The following PIK3R4 variants were observed in gnomAD, a reference collection of about 807,000 sequenced individuals.
PIK3R4 encodes the protein phosphoinositide-3-kinase regulatory subunit 4, also known as phosphoinositide 3-kinase regulatory subunit 4.
In PIK3R4, 46 loss-of-function variants were observed where a neutral mutation model predicts 136.5. The observed-to-expected ratio is 0.34, with a 90% confidence interval of 0.27 to 0.43. The LOEUF (loss-of-function observed/expected upper bound fraction) is 0.43. Ranked by LOEUF, PIK3R4 falls within the 20% of genes least tolerant of loss-of-function variation. The pLI is 1.00. For missense variants in PIK3R4, 1,331 were observed against 1,649.5 expected, an observed-to-expected ratio of 0.81 and a Z score of 3.35; for synonymous variants, 557 against 566.7, an observed-to-expected ratio of 0.98 and a Z score of 0.24.
intron 14 of PIK3R4, 76 bp from the exon 15 acceptor site, chr3:130,686,498 T>C (rs1439218882): frequency 2.3e-6 from 2 of 862,576 alleles, no homozygotes; most frequent in South Asian, 1.5e-5. Context: ...GATGACTTTA[T>C]ATCCTATCCA....
intron 7 of PIK3R4, among the ~76,000 whole-genome samples, chr3:130,721,447 C>G (rs2107614750): frequency 6.6e-6 from 1 of 152,196 alleles, no homozygotes; most frequent in Middle Eastern, 3.4e-3. Context: ...TATCTGCAAT[C>G]CCATGTTCAC....
intron 2 of PIK3R4, 141 bp from the exon 3 acceptor site, chr3:130,736,143 A>C: frequency 3.6e-6 from 2 of 559,976 alleles, no homozygotes; most frequent in Non-Finnish European, 6.1e-6. Context: ...GCAACATACA[A>C]CTACAATCAA....
intron 2 of PIK3R4, among the ~76,000 whole-genome samples, chr3:130,737,453 A>G (rs1051205401): frequency 6.6e-6 from 1 of 152,206 alleles, no homozygotes; most frequent in African/African-American, 2.4e-5. Context: ...TGAGGTCAGG[A>G]GTTCGAGACC....
At chr3:130,681,130 T>C in intron 17 of PIK3R4, 65 bp from the exon 18 acceptor site, 2 of 923,682 alleles carry the variant, frequency 2.2e-6, no homozygotes, top group Non-Finnish European at 3.6e-6. Flanking sequence ...GATAGTGCTA[T>C]TTCTAGAGGC....
At chr3:130,734,266 C>T (rs2066774408) in intron 3 of PIK3R4, 136 bp from the exon 4 acceptor site, 2 of 674,520 alleles carry the variant, frequency 3.0e-6, no homozygotes, top group Admixed American at 5.8e-5. Context: ...GTGACTCCAT[C>T]ATCCTAGAAA....
chr3:130,719,186 T>A (rs1485180148), intron 7 of PIK3R4, among the ~76,000 whole-genome samples: 1 of 152,162 alleles, frequency 6.6e-6, no homozygotes. Context: ...ATTAAATGAA[T>A]GTCTTTTCAT....
At chr3:130,687,961 T>G (rs772322659) in intron 14 of PIK3R4, among the ~76,000 whole-genome samples, 1 of 152,194 alleles carries the variant, frequency 6.6e-6, no homozygotes, top group East Asian at 1.9e-4. Flanking sequence ...GCTACGGCAG[T>G]GTGCCTGCTT....
At chr3:130,742,437 A>G (rs2107623450) in intron 2 of PIK3R4, among the ~76,000 whole-genome samples, 1 of 152,368 alleles carries the variant, frequency 6.6e-6, no homozygotes, top group Non-Finnish European at 1.5e-5. Flanking sequence ...TTACATAACA[A>G]TTAGTGAGTT....
rs761935826 is a variant in PIK3R4, at chr3:130,708,246, T to C, written c.2533+45A>G. On this transcript the variant is annotated intron_variant, in intron 10 of 19. Transcript: ENST00000356763. ...TTAGCTAAAAAACAGTCTTATGAAA[T>C]AACTAACAACAACAAGCTACACACA... 4.8e-6 allele frequency: 7 copies of C among 1,466,324 alleles called. 1 individual carries two copies. The East Asian group carries it at 1.6e-4, about 33-fold the overall frequency. 90.8% of individuals were successfully genotyped at this position (1,466,324 alleles called of 1,614,324 possible). A position where few individuals can be genotyped will look rare whatever the true frequency, so the allele number is the denominator to read the frequency against.
chr3:130,718,789 A>C (rs1029263032), intron 7 of PIK3R4, among the ~76,000 whole-genome samples: 5 of 152,154 alleles, frequency 3.3e-5, no homozygotes, highest in African/African-American at 1.2e-4. Context: ...GAGGACTTAA[A>C]ATTTATATTT....
chr3:130,731,078 C>G (rs1264321588), intron 4 of PIK3R4, among the ~76,000 whole-genome samples: 2 of 152,190 alleles, frequency 1.3e-5, no homozygotes, highest in African/African-American at 4.8e-5. Flanking sequence ...CAAAGACTGT[C>G]TGATATTCCT....
At chr3:130,718,622 A>G in intron 7 of PIK3R4, 88 bp from the exon 8 acceptor site, 2 of 1,345,948 alleles carry the variant, frequency 1.5e-6, no homozygotes, top group African/African-American at 1.4e-5. Context: ...GTAACTGACA[A>G]AAGGATTTTG....
At chr3:130,712,498 G>T (rs935875500) in intron 9 of PIK3R4, among the ~76,000 whole-genome samples, 1 of 151,798 alleles carries the variant, frequency 6.6e-6, no homozygotes, top group East Asian at 1.9e-4. Flanking sequence ...GAGAAACCCC[G>T]TCTCTACTAA....
In PIK3R4 at chr3:130,708,740, T is replaced by C. The variant is rs557088999; in HGVS notation, c.2332-248A>G. 7.9e-5 allele frequency among the ~76,000 whole-genome samples: 12 copies of C among 152,262 alleles called. No homozygotes were observed. In the South Asian group the frequency reaches 2.5e-3, roughly 32 times the overall value. On this transcript the variant is annotated intron_variant, in intron 9 of 19. Transcript: ENST00000356763. ...TATCATGATTTATATCTTAACTTTC[T>C]TCCTAAAGGACAGTATTCACACATA... is the stretch of plus-strand genomic sequence containing the variant.
At chr3:130,715,734 T>C (rs903338343) in intron 9 of PIK3R4, among the ~76,000 whole-genome samples, 3 of 152,206 alleles carry the variant, frequency 2.0e-5, no homozygotes, top group African/African-American at 7.2e-5. Flanking sequence ...ATGGTTTCTT[T>C]TGCTGTGCAG....
At chr3:130,706,144 T>G (rs72998220) in intron 11 of PIK3R4, among the ~76,000 whole-genome samples, 2,336 of 152,312 alleles carry the variant, frequency 0.015, 85 homozygotes, top group African/African-American at 0.052. Context: ...AGAGCTGCCT[T>G]AAATTACAAA....
At chr3:130,704,064 T>C (rs1464864371) in intron 12 of PIK3R4, among the ~76,000 whole-genome samples, 176 bp from the exon 13 acceptor site, 2 of 152,208 alleles carry the variant, frequency 1.3e-5, no homozygotes, top group African/African-American at 2.4e-5. Flanking sequence ...AGATATTATT[T>C]ACTGAGACAT....
intron 15 of PIK3R4, among the ~76,000 whole-genome samples, chr3:130,684,584 AG>A (rs1244768517): frequency 6.6e-6 from 1 of 152,236 alleles, no homozygotes; most frequent in Non-Finnish European, 1.5e-5. Context: ...TGAGATATAA[AG>A]TGCTTATCAT....
At chr3:130,718,171 T>C (rs966348250) in intron 8 of PIK3R4, among the ~76,000 whole-genome samples, 2 of 152,214 alleles carry the variant, frequency 1.3e-5, no homozygotes, top group Non-Finnish European at 2.9e-5. Context: ...TACGCTACAT[T>C]AGATATAACA....
Sources: gnomAD v4.1 joint callset for allele counts (sites outside exome capture counted in the v4.1 genomes callset) on GRCh38, gnomAD v4.1.1 for gene constraint, MANE v1.5 for transcripts, NCBI Gene and HGNC (gene_info 2026-07-23, HGNC 2026-07-21) for gene names.